The following DUSP8 variants were observed in gnomAD, a reference collection of about 807,000 sequenced individuals.
The protein encoded by DUSP8 is dual specificity protein phosphatase 8.
Under a neutral mutation model 38.7 loss-of-function variants are expected in DUSP8, and 15 were observed. The ratio of observed to expected loss-of-function variants is 0.39; its 90% CI spans 0.26 to 0.60. The LOEUF (loss-of-function observed/expected upper bound fraction) is 0.60. DUSP8 is among the 20% of genes least tolerant of loss of function. The pLI is 0.56. For missense variants in DUSP8, 768 were observed against 915.0 expected (o/e 0.84, Z 2.07); for synonymous variants, 458 against 433.9 (o/e 1.06, Z -0.69).
Position 1,555,069 on chromosome 11 carries a change from G to A in DUSP8, c.*1449C>T. ...TCAGGACTGGGTCCTGCCCTGGGCT[G>A]CCTCTCCGGCCAAGCCCCTGGCCTC... On this transcript the variant is annotated 3_prime_UTR_variant, in exon 7 of 7. Coordinates refer to ENST00000397374, the MANE Select transcript of DUSP8 (RefSeq NM_004420.3). 1.0e-6 allele frequency: 1 copy of A among 986,682 alleles called. No individual in the cohort carries two copies. Among genetic ancestry groups the A allele is most frequent in the Non-Finnish European group, 1.2e-6 (1 of 830,134 alleles). The allele number at this position is 986,682 out of a possible 1,614,324, so 61.1% of individuals were successfully genotyped here. A position where few individuals can be genotyped will look rare whatever the true frequency, so the allele number is the denominator to read the frequency against.
upstream of DUSP8, among the ~76,000 whole-genome samples, chr11:1,572,439 G>GA (rs1473258684): frequency 6.8e-6 from 1 of 147,330 alleles, no homozygotes; most frequent in African/African-American, 2.5e-5. The surrounding 1 kb of genome is among the most constrained non-coding windows in gnomAD (Gnocchi z 4.7). Context: ...CGGGGGGGGG[G>GA]CGGGGTGCAG....
chr11:1,562,794 C>T (rs1211870374), intron 3 of DUSP8, among the ~76,000 whole-genome samples: 1 of 152,204 alleles, frequency 6.6e-6, no homozygotes, highest in Non-Finnish European at 1.5e-5. Flanking sequence ...CAGACACCCT[C>T]TGACCATGGC....
At chr11:1,570,887 C>T (rs543812370) in intron 1 of DUSP8, among the ~76,000 whole-genome samples, 1 of 152,204 alleles carries the variant, frequency 6.6e-6, no homozygotes, top group African/African-American at 2.4e-5. Flanking sequence ...TTGGATCTCC[C>T]CTCAGACCCC....
In DUSP8 at chr11:1,572,109, G is replaced by A. The variant is rs1848912173; in HGVS notation, c.-317C>T. Among the ~76,000 whole-genome samples the A allele has an allele frequency of 6.9e-6, 1 of 145,592 alleles. No individual in the cohort carries two copies. The highest frequency in any genetic ancestry group is 1.5e-5 in the Non-Finnish European group (1 of 65,650). On this transcript the variant is annotated 5_prime_UTR_variant, in exon 1 of 7. Transcript: ENST00000397374. The surrounding 1 kb of genome is among the most constrained non-coding windows in gnomAD (Gnocchi z 4.7). ...GGCCGGGGCGCGCGCACTGCGGGCG[G>A]GCACGCGCGCTCGCGGCGCGCATCC... is the stretch of plus-strand genomic sequence containing the variant.
At position 1,557,664 on chromosome 11, in the gene DUSP8, C is replaced by T. The variant is rs1848657555; in HGVS notation, c.822-90G>A. ...CTGGGCACCCACGAGCTCATGTGCGCCAGGCTGGTCTCAGGCCCTCCTCCC... is the reference window on the plus strand; with the variant it reads ...CTGGGCACCCACGAGCTCATGTGCGTCAGGCTGGTCTCAGGCCCTCCTCCC... On this transcript the variant is annotated intron_variant, in intron 6 of 6. Transcript: ENST00000397374. This position sits in a 1 kb window ranked among gnomAD's most constrained non-coding sequence, Gnocchi z 9.9. 6.5e-7 allele frequency: 1 copy of T among 1,549,286 alleles called. No individual in the cohort carries two copies. The highest frequency in any genetic ancestry group is 8.7e-7 in the Non-Finnish European group (1 of 1,147,768).
In DUSP8 at chr11:1,565,763, C is replaced by A. The variant is rs1266549814; in HGVS notation, c.64G>T (p.Gly22Cys). The A allele has an allele frequency of 1.2e-6, 2 of 1,611,342 alleles. No individual in the cohort carries two copies. The highest frequency in any genetic ancestry group is 1.3e-5 in the African/African-American group (1 of 74,884). Residue 22 changes from glycine (G) to cysteine (C), a missense_variant, in exon 2 of 7, where the codon GGC becomes TGC. Gly to Cys is a radical substitution (Grantham distance 159). Around this residue, in one of 3 missense-constraint regions of DUSP8, gnomAD observed 252 missense variants for 410.4 expected, o/e 0.61. Transcript: ENST00000397374. ...DAKKLASLLR[G>C]GPGGPLVIDS... ...ATGACCAGCGGCCCCCCAGGCCCGC[C>A]CCGCAGCAGGCTGGCCAGCTTCTTG...
chr11:1,572,203 C>G lies in DUSP8; in HGVS notation c.-411G>C, dbSNP rs995356611. Among the ~76,000 whole-genome samples the G allele has an allele frequency of 1.4e-5, 2 of 145,654 alleles. No individual in the cohort carries two copies. The highest frequency in any genetic ancestry group is 4.0e-4 in the East Asian group (2 of 4,978). ...GCTCGGGCTCGGGCTCGGGCTCGGG[C>G]TCGGGCGTCCGGCGTCCGGCGGGGC... is the stretch of plus-strand genomic sequence containing the variant. On this transcript the variant is annotated 5_prime_UTR_variant, in exon 1 of 7. Coordinates refer to ENST00000397374, the MANE Select transcript of DUSP8 (RefSeq NM_004420.3). The surrounding 1 kb of genome is among the most constrained non-coding windows in gnomAD (Gnocchi z 4.7).
upstream of DUSP8, among the ~76,000 whole-genome samples, chr11:1,572,432 G>A (rs1025045940): frequency 6.7e-6 from 1 of 150,304 alleles, no homozygotes; most frequent in Admixed American, 6.6e-5. This position sits in a 1 kb window ranked among gnomAD's most constrained non-coding sequence, Gnocchi z 4.7. Flanking sequence ...GCTGCCGCGG[G>A]GGGGGGGCGG....
At chr11:1,570,795 CA>C (rs1382266339) in intron 1 of DUSP8, among the ~76,000 whole-genome samples, 4 of 152,112 alleles carry the variant, frequency 2.6e-5, no homozygotes, top group Admixed American at 2.6e-4. Context: ...TGGGGTGCTA[CA>C]TTCACCCCTG....
At chr11:1,569,520 G>A (rs1038400749) in intron 1 of DUSP8, among the ~76,000 whole-genome samples, 10 of 152,140 alleles carry the variant, frequency 6.6e-5, no homozygotes, top group African/African-American at 1.7e-4. Flanking sequence ...GTACACGCAC[G>A]TCCTTGCCCT....
chr11:1,565,889 C>A lies in DUSP8; in HGVS notation c.-63G>T. 1 of 1,408,942 alleles carries A rather than the reference C, an allele frequency of 7.1e-7. No individual in the cohort carries two copies. Among genetic ancestry groups the A allele is most frequent in the South Asian group, 1.2e-5 (1 of 84,774 alleles). The allele number at this position is 1,408,942 out of a possible 1,614,324, so 87.3% of individuals were successfully genotyped here. ...GTGAGGAGGGGCTGCTCCGACGGCC[C>A]AGGTGTGGCCTCGCGCTGGGAGTGA... is the stretch of plus-strand genomic sequence containing the variant. On this transcript the variant is annotated 5_prime_UTR_variant, in exon 2 of 7. Transcript: ENST00000397374.
Position 1,556,846 on chromosome 11 carries a change from G to C in DUSP8, c.1550C>G (p.Thr517Arg). The change falls in exon 7 of 7, where the codon ACG becomes AGG. Residue 517 changes from threonine (T) to arginine (R), a missense_variant. By Grantham distance (71) the Thr-to-Arg change is moderately conservative (BLOSUM62 -1). Around this residue, in one of 3 missense-constraint regions of DUSP8, gnomAD observed 474 missense variants for 430.8 expected, o/e 1.10. Coordinates refer to ENST00000397374, the MANE Select transcript of DUSP8 (RefSeq NM_004420.3). The surrounding 1 kb of genome is among the most constrained non-coding windows in gnomAD (Gnocchi z 5.2). ...AWAPPLDSPG[T>R]PSPDGPWCFS... ...GCACCAGGGCCCGTCGGGCGACGGC[G>C]TGCCTGGGGAGTCGAGCGGCGGTGC... The C allele has an allele frequency of 8.7e-7, 1 of 1,144,886 alleles. No homozygotes were observed. Among genetic ancestry groups the C allele is most frequent in the Non-Finnish European group, 1.1e-6 (1 of 932,616 alleles). The allele number at this position is 1,144,886 out of a possible 1,614,324, so 70.9% of individuals were successfully genotyped here.
In DUSP8 at chr11:1,554,362, C is replaced by T. The variant is rs1848587249; in HGVS notation, c.*2156G>A. 6.6e-6 allele frequency: 1 copy of T among 152,084 alleles called. No individual in the cohort carries two copies. The highest frequency in any genetic ancestry group is 1.5e-5 in the Non-Finnish European group (1 of 68,234). The allele number at this position is 152,084 out of a possible 1,614,324, so 9.4% of individuals were successfully genotyped here. ...GTCAGGTGAAAGCCACCAGGTGGGG[C>T]CCTGGCCCGCCTCCCGCAGCACTGG... On this transcript the variant is annotated 3_prime_UTR_variant, in exon 7 of 7. Transcript: ENST00000397374.
chr11:1,563,850 C>T lies in DUSP8; in HGVS notation c.370+1G>A. 6.6e-7 allele frequency: 1 copy of T among 1,518,136 alleles called. No individual in the cohort carries two copies. The highest frequency in any genetic ancestry group is 8.9e-7 in the Non-Finnish European group (1 of 1,129,338). 94.0% of individuals were successfully genotyped at this position (1,518,136 alleles called of 1,614,324 possible). A position where few individuals can be genotyped will look rare whatever the true frequency, so the allele number is the denominator to read the frequency against. ...CGGGGAGGCGTGGGTCATGGACTCA[C>T]CAGTGAGGATGGCCACGCTGTCGAA... On this transcript the variant is annotated splice_donor_variant, in intron 3 of 6. Coordinates refer to ENST00000397374, the MANE Select transcript of DUSP8 (RefSeq NM_004420.3). LOFTEE classifies it high-confidence loss of function.
chr11:1,558,010 CAG>C lies in DUSP8; in HGVS notation c.698-95_698-94del. ...GGGACCCCACCCGCCCAACTGCCAA[CAG>C]TTCCGGCTACTTCCTGGGGACCCCT... On this transcript the variant is annotated intron_variant, in intron 5 of 6. Coordinates refer to ENST00000397374, the MANE Select transcript of DUSP8 (RefSeq NM_004420.3). The surrounding 1 kb of genome is among the most constrained non-coding windows in gnomAD (Gnocchi z 6.3). 1.2e-6 allele frequency: 2 copies of C among 1,610,242 alleles called. No homozygotes were observed. The highest frequency in any genetic ancestry group is 3.6e-4 in the Middle Eastern group (2 of 5,566).
intron 1 of DUSP8, among the ~76,000 whole-genome samples, chr11:1,567,655 C>G (rs886942471): frequency 2.6e-5 from 4 of 152,240 alleles, no homozygotes; most frequent in African/African-American, 9.6e-5. Context: ...AGGGAAACAC[C>G]TGACTGTGGA....
In DUSP8 at chr11:1,558,003, C is replaced by G; in HGVS notation, c.698-86G>C. On this transcript the variant is annotated intron_variant, in intron 5 of 6. Transcript: ENST00000397374. The surrounding 1 kb of genome is among the most constrained non-coding windows in gnomAD (Gnocchi z 6.3). ...CAGGTAGGGGACCCCACCCGCCCAA[C>G]TGCCAACAGTTCCGGCTACTTCCTG... 1 of 1,610,336 alleles carries G rather than the reference C, an allele frequency of 6.2e-7. No individual in the cohort carries two copies. The highest frequency in any genetic ancestry group is 8.5e-7 in the Non-Finnish European group (1 of 1,177,880).
intron 3 of DUSP8, among the ~76,000 whole-genome samples, chr11:1,563,393 C>CT (rs1848752307): frequency 6.6e-6 from 1 of 152,080 alleles, no homozygotes; most frequent in African/African-American, 2.4e-5. Context: ...GCCCAGGCTG[C>CT]TTTTGGGCCA....
chr11:1,556,990 G>A lies in DUSP8; in HGVS notation c.1406C>T (p.Ala469Val), dbSNP rs1346002778. ...PPAGSPARSP[A>V]HSLGLNFGDA... ...GCCGAAGTTCAGGCCGAGGCTGTGC[G>A]CGGGGGAGCGCGCGGGGGAGCCGGC... The change falls in exon 7 of 7, where the codon GCG becomes GTG. Residue 469 changes from alanine to valine, a missense_variant. Ala to Val is a moderately conservative substitution (Grantham distance 64, BLOSUM62 0). Around this residue, in one of 3 missense-constraint regions of DUSP8, gnomAD observed 474 missense variants for 430.8 expected, o/e 1.10. Coordinates refer to ENST00000397374, the MANE Select transcript of DUSP8 (RefSeq NM_004420.3). The surrounding 1 kb of genome is among the most constrained non-coding windows in gnomAD (Gnocchi z 5.2). The A allele has an allele frequency of 7.8e-6, 8 of 1,023,290 alleles. No homozygotes were observed. The highest frequency in any genetic ancestry group is 8.2e-6 in the Non-Finnish European group (7 of 857,458). The allele number at this position is 1,023,290 out of a possible 1,614,324, so 63.4% of individuals were successfully genotyped here.
Sources: gnomAD v4.1 joint callset for allele counts (sites outside exome capture counted in the v4.1 genomes callset) on GRCh38, gnomAD v4.1.1 for gene constraint, gnomAD v4.1.1 regional missense constraint, Gnocchi (gnomAD v3.1) non-coding constraint, MANE v1.5 for transcripts, NCBI Gene and HGNC (gene_info 2026-07-23, HGNC 2026-07-21) for gene names.